Variants in GALNT8 observed in about 807,000 individuals in gnomAD.
GALNT8 encodes probable polypeptide N-acetylgalactosaminyltransferase 8.
Under a neutral mutation model 62.7 loss-of-function variants are expected in GALNT8, and 66 were observed. The ratio of observed to expected loss-of-function variants is 1.05; its 90% CI spans 0.86 to 1.29. The LOEUF is 1.29. Ranked by LOEUF, GALNT8 falls within the 50% of genes most tolerant of loss-of-function variation. GALNT8 has a pLI of 0.00. For synonymous variants in GALNT8, 288 were observed against 294.3 expected (o/e 0.98, Z 0.22); for missense variants, 771 against 791.8 (o/e 0.97, Z 0.32).
intron 2 of GALNT8, among the ~76,000 whole-genome samples, chr12:4,731,446 C>T (rs1025445739): frequency 3.9e-5 from 6 of 152,192 alleles, no homozygotes; most frequent in Admixed American, 1.3e-4. Flanking sequence ...GGACAATCTA[C>T]ACTTCTTTCC....
At chr12:4,741,889 GTC>G (rs2137529510) in intron 3 of GALNT8, among the ~76,000 whole-genome samples, 1 of 152,336 alleles carries the variant, frequency 6.6e-6, no homozygotes, top group African/African-American at 2.4e-5. Flanking sequence ...GAATTAGAGA[GTC>G]TCTGTCATTA....
At chr12:4,765,607 A>T in intron 10 of GALNT8, 61 bp downstream of exon 10, 1 of 1,332,756 alleles carries the variant, frequency 7.5e-7, no homozygotes, top group South Asian at 1.3e-5. Context: ...TTTGAGACTG[A>T]GTCTTGCTCT....
At chr12:4,747,593 A>G (rs866263706) in intron 6 of GALNT8, among the ~76,000 whole-genome samples, 1 of 151,974 alleles carries the variant, frequency 6.6e-6, no homozygotes, top group Non-Finnish European at 1.5e-5. Context: ...ATTGCATACT[A>G]CATTTTCTTT....
chr12:4,755,844 C>T (rs1946342192), intron 6 of GALNT8, among the ~76,000 whole-genome samples: 1 of 152,200 alleles, frequency 6.6e-6, no homozygotes, highest in South Asian at 2.1e-4. Flanking sequence ...CTTAAAGCAG[C>T]AATAATCAAT....
chr12:4,721,622 C>T (rs111341280), intron 1 of GALNT8, among the ~76,000 whole-genome samples: 2 of 152,202 alleles, frequency 1.3e-5, no homozygotes, highest in African/African-American at 2.4e-5. Context: ...AGCCCTAAGG[C>T]GGTTTTCTCC....
At chr12:4,730,428 G>A (rs141252589) in intron 2 of GALNT8, among the ~76,000 whole-genome samples, 3 of 152,184 alleles carry the variant, frequency 2.0e-5, no homozygotes, top group African/African-American at 4.8e-5. Context: ...CTTTTTAAAC[G>A]TGGGTATTCC....
intron 6 of GALNT8, among the ~76,000 whole-genome samples, chr12:4,756,763 C>G (rs750629488): frequency 1.3e-5 from 2 of 152,244 alleles, no homozygotes; most frequent in African/African-American, 2.4e-5. Flanking sequence ...CAGGACTCCA[C>G]ATTTAATGTT....
chr12:4,739,416 G>A (rs1470413515), intron 3 of GALNT8, 87 bp downstream of exon 3: 2 of 1,005,200 alleles, frequency 2.0e-6, no homozygotes, highest in Non-Finnish European at 3.0e-6. Context: ...TAGAGTTTAG[G>A]ACACCTTGGG....
intron 7 of GALNT8, among the ~76,000 whole-genome samples, chr12:4,761,620 T>G (rs79265037): frequency 0.17 from 26,005 of 151,726 alleles, 2,336 homozygotes; most frequent in Non-Finnish European, 0.2. Flanking sequence ...TTTTTAAGTT[T>G]TTTTTTTGGT....
At chr12:4,738,625 T>C (rs1264060887) in intron 2 of GALNT8, among the ~76,000 whole-genome samples, 1 of 152,228 alleles carries the variant, frequency 6.6e-6, no homozygotes, top group Non-Finnish European at 1.5e-5. Flanking sequence ...GATACGTTTA[T>C]TACCTTGATT....
At chr12:4,752,949 T>C (rs1344532395) in intron 6 of GALNT8, among the ~76,000 whole-genome samples, 1 of 152,162 alleles carries the variant, frequency 6.6e-6, no homozygotes, top group East Asian at 1.9e-4. Context: ...GTATATGTTG[T>C]TCTAGGGTAA....
chr12:4,758,630 G>C (rs1388733959), intron 6 of GALNT8, among the ~76,000 whole-genome samples: 2 of 77,126 alleles, frequency 2.6e-5, no homozygotes, highest in African/African-American at 4.3e-5. Flanking sequence ...GTGTGTGTGT[G>C]TGTGTGTGAG....
intron 3 of GALNT8, among the ~76,000 whole-genome samples, chr12:4,742,607 G>T (rs893195673): frequency 6.6e-6 from 1 of 152,220 alleles, no homozygotes; most frequent in Non-Finnish European, 1.5e-5. Context: ...AAAGCACGGT[G>T]TGGGGGTGTG....
At chr12:4,745,314 C>G in intron 4 of GALNT8, 115 bp from the exon 5 acceptor site, 1 of 705,618 alleles carries the variant, frequency 1.4e-6, no homozygotes, top group Non-Finnish European at 2.6e-6. Context: ...CCCAGTACAG[C>G]CTAAATGGAG....
chr12:4,721,990 C>A (rs935132983), intron 1 of GALNT8, among the ~76,000 whole-genome samples: 14 of 149,426 alleles, frequency 9.4e-5, no homozygotes, highest in African/African-American at 3.4e-4. Flanking sequence ...ATCTGTTTAA[C>A]AAAGCACATC....
At chr12:4,769,303 A>G (rs1946412899) in intron 10 of GALNT8, among the ~76,000 whole-genome samples, 1 of 152,196 alleles carries the variant, frequency 6.6e-6, no homozygotes, top group African/African-American at 2.4e-5. Flanking sequence ...GGAGACTGGC[A>G]CGGCTCCAGA....
chr12:4,723,577 A>G (rs1946180642), intron 1 of GALNT8, among the ~76,000 whole-genome samples: 1 of 152,164 alleles, frequency 6.6e-6, no homozygotes, highest in Admixed American at 6.5e-5. Flanking sequence ...TGCCATGAGG[A>G]GCCAGCCAGA....
intron 2 of GALNT8, among the ~76,000 whole-genome samples, chr12:4,734,858 C>A (rs988697105): frequency 2.6e-5 from 4 of 152,106 alleles, no homozygotes; most frequent in Non-Finnish European, 5.9e-5. Context: ...CTGGCATTCA[C>A]CTGCATTTTG....
chr12:4,753,501 C>T (rs1293240990), intron 6 of GALNT8, among the ~76,000 whole-genome samples: 1 of 152,068 alleles, frequency 6.6e-6, no homozygotes, highest in Non-Finnish European at 1.5e-5. Context: ...TTTATCAGCT[C>T]CAGAATTTCT....
Sources: allele counts gnomAD v4.1 joint callset (sites outside exome capture counted in the v4.1 genomes callset), GRCh38; gene constraint gnomAD v4.1.1; transcripts MANE v1.5; gene names NCBI Gene and HGNC (gene_info 2026-07-23, HGNC 2026-07-21).